PHACTR2: variants seen among roughly 807,000 people sequenced by gnomAD.
PHACTR2 encodes the protein chromosome 6 open reading frame 56.
In PHACTR2, 30 loss-of-function variants were observed where a neutral mutation model predicts 76.0. The ratio of observed to expected loss-of-function variants is 0.39; its 90% confidence interval spans 0.30 to 0.54. The LOEUF (loss-of-function observed/expected upper bound fraction) is 0.54. Ranked by LOEUF, PHACTR2 falls within the 20% of genes least tolerant of loss-of-function variation. PHACTR2 has a pLI of 0.61. For missense variants in PHACTR2, 696 were observed against 781.1 expected (o/e 0.89, Z 1.30); for synonymous variants, 292 against 292.5 (o/e 1.00, Z 0.02).
At chr6:143,763,248 A>G (rs1251490690) in intron 5 of PHACTR2, among the ~76,000 whole-genome samples, 2 of 152,052 alleles carry the variant, frequency 1.3e-5, no homozygotes, top group Non-Finnish European at 2.9e-5. Flanking sequence ...AATCCCAACT[A>G]TTTGGGAGAC....
chr6:143,626,117 G>T (rs967394949), intron 1 of PHACTR2, among the ~76,000 whole-genome samples: 1 of 152,108 alleles, frequency 6.6e-6, no homozygotes, highest in African/African-American at 2.4e-5. Context: ...TCAGGAAGTG[G>T]CCCAGTTCAA....
In PHACTR2 at chr6:143,753,626, C is replaced by G. The variant is rs566043905; in HGVS notation, c.296-128C>G. The stretch of plus-strand genomic sequence containing the variant: ...TTTTGTTTTGAATAAACCGGTGAAA[C>G]AGTGCAGGGTGTATTTGGTTCCCAG... On this transcript the variant is annotated intron_variant, in intron 3 of 12. Coordinates refer to ENST00000440869, the MANE Select transcript of PHACTR2 (RefSeq NM_001100164.2). The surrounding 1 kb of genome is among the most constrained non-coding windows in gnomAD (Gnocchi z 4.6). 1 of 589,856 alleles carries G rather than the reference C, an allele frequency of 1.7e-6. No homozygotes were observed. The highest frequency in any genetic ancestry group is 3.0e-6 in the Non-Finnish European group (1 of 336,430). The allele number at this position is 589,856 out of a possible 1,614,324, so 36.5% of individuals were successfully genotyped here.
Position 143,653,638 on chromosome 6 carries a change from A to G in PHACTR2, c.13+45316A>G, listed in dbSNP as rs1776799815. ...GGGGAAAGAAATGTCTTATCAGCAA[A>G]CAGTGCTAGGGCAACTAGATATCTA... On this transcript the variant is annotated intron_variant, in intron 1 of 11. Transcript: ENST00000305766. This position sits in a 1 kb window ranked among gnomAD's most constrained non-coding sequence, Gnocchi z 4.9. 1.3e-5 allele frequency among the ~76,000 whole-genome samples: 2 copies of G among 151,762 alleles called. No homozygotes were observed. The highest frequency in any genetic ancestry group is 2.9e-5 in the Non-Finnish European group (2 of 67,996).
chr6:143,551,401 G>A (rs909765793), intron 1 of PHACTR2, among the ~76,000 whole-genome samples: 1 of 152,210 alleles, frequency 6.6e-6, no homozygotes, highest in African/African-American at 2.4e-5. Context: ...TTACTTCACT[G>A]TGGAAAGTAA....
chr6:143,706,524 T>A (rs1778057957), intron 1 of PHACTR2, among the ~76,000 whole-genome samples: 1 of 152,230 alleles, frequency 6.6e-6, no homozygotes, highest in Admixed American at 6.5e-5. Context: ...TATCTGTAAC[T>A]TCTCTCTCCA....
At chr6:143,749,091 A>T (rs1779130952) in intron 3 of PHACTR2, 26 bp downstream of exon 3, 2 of 1,219,966 alleles carry the variant, frequency 1.6e-6, no homozygotes, top group Admixed American at 3.5e-5. Flanking sequence ...ATACATTTTA[A>T]ATATTTTGGT....
chr6:143,755,782 G>A lies in PHACTR2; in HGVS notation c.454+1870G>A, dbSNP rs1779284502. ...GCTAGGTATAGAAGCCACTTCGTGA[G>A]ACTGAAAAGAATGTCACGCATAACT... On this transcript the variant is annotated intron_variant, in intron 4 of 12. Coordinates refer to ENST00000440869, the MANE Select transcript of PHACTR2 (RefSeq NM_001100164.2). This position sits in a 1 kb window ranked among gnomAD's most constrained non-coding sequence, Gnocchi z 5.2. Among the ~76,000 whole-genome samples, 1 of 152,170 alleles carries A rather than the reference G, an allele frequency of 6.6e-6. No homozygotes were observed. The highest frequency in any genetic ancestry group is 2.1e-4 in the South Asian group (1 of 4,830).
At chr6:143,714,350 A>G (rs1778253924) in intron 2 of PHACTR2, among the ~76,000 whole-genome samples, 1 of 152,248 alleles carries the variant, frequency 6.6e-6, no homozygotes, top group South Asian at 2.1e-4. Flanking sequence ...CACAGCGATA[A>G]ATACCACTTT....
At position 143,652,128 on chromosome 6, in the gene PHACTR2, G is replaced by A. The variant is rs1776773495; in HGVS notation, c.13+43806G>A. Among the ~76,000 whole-genome samples the A allele has an allele frequency of 6.6e-6, 1 of 151,194 alleles. No homozygotes were observed. Among genetic ancestry groups the A allele is most frequent in the Non-Finnish European group, 1.5e-5 (1 of 67,868 alleles). On this transcript the variant is annotated intron_variant, in intron 1 of 11. Coordinates refer to the PHACTR2 transcript ENST00000305766. This position sits in a 1 kb window ranked among gnomAD's most constrained non-coding sequence, Gnocchi z 4.5. ...CTGCTTTATACTAAAAATGATGGCG[G>A]TGATGGGGGAACCGTTTACTAGGTA... is the stretch of plus-strand genomic sequence containing the variant.
intron 7 of PHACTR2, among the ~76,000 whole-genome samples, chr6:143,773,593 G>T (rs1342863624): frequency 6.6e-6 from 1 of 151,994 alleles, no homozygotes; most frequent in Admixed American, 6.5e-5. Flanking sequence ...AAATTTTCAG[G>T]ATTCTGGGGT....
chr6:143,738,628 T>G lies in PHACTR2; in HGVS notation c.215-10357T>G, dbSNP rs1032556238. Among the ~76,000 whole-genome samples, 1 of 151,520 alleles carries G rather than the reference T, an allele frequency of 6.6e-6. No individual in the cohort carries two copies. Among genetic ancestry groups the G allele is most frequent in the Non-Finnish European group, 1.5e-5 (1 of 67,888 alleles). The stretch of plus-strand genomic sequence containing the variant: ...AAAATTAGCTGGGCATGGTGGTGCA[T>G]GCCTGTAGTCCCAGCTACTTAGGAG... On this transcript the variant is annotated intron_variant, in intron 2 of 12. Transcript: ENST00000440869. The surrounding 1 kb of genome is among the most constrained non-coding windows in gnomAD (Gnocchi z 4.0).
At position 143,633,293 on chromosome 6, in the gene PHACTR2, T is replaced by C. The variant is rs539011705; in HGVS notation, c.13+24971T>C. ...TTTGGTGTTGTCAATGTTCTGGATT[T>C]TGACCATTCTCAAAGATGAGTAGTG... On this transcript the variant is annotated intron_variant, in intron 1 of 11. Transcript: ENST00000305766. The surrounding 1 kb of genome is among the most constrained non-coding windows in gnomAD (Gnocchi z 4.1). 3.4e-4 allele frequency among the ~76,000 whole-genome samples: 52 copies of C among 152,248 alleles called. No individual in the cohort carries two copies. Among genetic ancestry groups the C allele is most frequent in the Non-Finnish European group, 6.3e-4 (43 of 68,048 alleles).
At chr6:143,692,265 A>C (rs1777661969) in intron 1 of PHACTR2, among the ~76,000 whole-genome samples, 1 of 152,108 alleles carries the variant, frequency 6.6e-6, no homozygotes, top group South Asian at 2.1e-4. Flanking sequence ...TTATAAAGGG[A>C]TTTTGTGTTT....
chr6:143,781,322 A>G (rs1775428584), intron 9 of PHACTR2, among the ~76,000 whole-genome samples: 5 of 152,226 alleles, frequency 3.3e-5, no homozygotes, highest in Admixed American at 3.3e-4. Flanking sequence ...CTAGCTGAAC[A>G]ATATGCTTAA....
rs930107272 is a variant in PHACTR2 at position 143,789,631 on chromosome 6, A to C, written c.1845+721A>C. 1.3e-5 allele frequency among the ~76,000 whole-genome samples: 2 copies of C among 152,210 alleles called. No individual in the cohort carries two copies. The highest frequency in any genetic ancestry group is 4.8e-5 in the African/African-American group (2 of 41,446). On this transcript the variant is annotated intron_variant, in intron 11 of 12. Coordinates refer to ENST00000440869, the MANE Select transcript of PHACTR2 (RefSeq NM_001100164.2). The surrounding 1 kb of genome is among the most constrained non-coding windows in gnomAD (Gnocchi z 5.1). ...TAAATTGTTCTAATTTTTATCTCTT[A>C]GCAAAATCTGGTATTGAATAAACTC...
chr6:143,657,805 G>A (rs75741267), intron 1 of PHACTR2, among the ~76,000 whole-genome samples: 1 of 152,278 alleles, frequency 6.6e-6, no homozygotes, highest in African/African-American at 2.4e-5. Flanking sequence ...ATCAGGCATT[G>A]GATGTGGGCT....
intron 12 of PHACTR2, among the ~76,000 whole-genome samples, chr6:143,814,311 G>A (rs1043030378): frequency 2.6e-5 from 4 of 152,118 alleles, no homozygotes; most frequent in African/African-American, 7.2e-5. Context: ...AGCTGAGATC[G>A]CCTGGGCAAC....
At chr6:143,563,081 A>G (rs1037388757) in intron 1 of PHACTR2, among the ~76,000 whole-genome samples, 6 of 152,238 alleles carry the variant, frequency 3.9e-5, no homozygotes, top group African/African-American at 1.4e-4. Context: ...ACTAAATTGC[A>G]CACATAAAAA....
rs2128435519 is a variant in PHACTR2 at position 143,599,059 on chromosome 6, A to G, written c.217+61852A>G. ...CCCCAGTTAAATCAGTCAGGCATTTATTGATGACCCTCTGGGTACTCAGCG... is the reference window on the plus strand; with the variant it reads ...CCCCAGTTAAATCAGTCAGGCATTTGTTGATGACCCTCTGGGTACTCAGCG... On this transcript the variant is annotated intron_variant, in intron 1 of 11. Coordinates refer to the PHACTR2 transcript ENST00000367584. This position sits in a 1 kb window ranked among gnomAD's most constrained non-coding sequence, Gnocchi z 4.6. 6.6e-6 allele frequency among the ~76,000 whole-genome samples: 1 copy of G among 152,346 alleles called. No individual in the cohort carries two copies. Among genetic ancestry groups the G allele is most frequent in the South Asian group, 2.1e-4 (1 of 4,828 alleles).
Sources: gnomAD v4.1 joint callset for allele counts (sites outside exome capture counted in the v4.1 genomes callset) on GRCh38, gnomAD v4.1.1 for gene constraint, Gnocchi (gnomAD v3.1) non-coding constraint, MANE v1.5 for transcripts, NCBI Gene and HGNC (gene_info 2026-07-23, HGNC 2026-07-21) for gene names.